GFRA1: variants seen among roughly 807,000 people sequenced by gnomAD.
The protein encoded by GFRA1 is GDNF family receptor alpha 1.
A neutral mutation model predicts 51.6 loss-of-function variants in GFRA1; 16 were observed. The observed-to-expected ratio is 0.31, with a 90% CI of 0.21 to 0.47. The LOEUF is 0.47. Ranked by LOEUF, GFRA1 falls within the 20% of genes least tolerant of loss-of-function variation. The probability of loss-of-function intolerance (pLI) is 1.00; values close to 1 mark genes in which losing one functional copy is unlikely to be tolerated. For synonymous variants in GFRA1, 270 were observed against 241.3 expected (o/e 1.12, Z -1.10); for missense variants, 530 against 594.3 (o/e 0.89, Z 1.13).
chr10:116,214,873 A>G (rs1181891993), intron 4 of GFRA1, among the ~76,000 whole-genome samples: 1 of 152,214 alleles, frequency 6.6e-6, no homozygotes, highest in Non-Finnish European at 1.5e-5. Context: ...CTTCCATTGT[A>G]TATTTCATGC....
intron 4 of GFRA1, among the ~76,000 whole-genome samples, chr10:116,253,980 C>CA (rs1175447539): frequency 6.6e-6 from 1 of 152,070 alleles, no homozygotes; most frequent in African/African-American, 2.4e-5. Flanking sequence ...TAATGCCCCT[C>CA]ACGCATACTC....
At chr10:116,252,855 G>A (rs1968500645) in intron 4 of GFRA1, among the ~76,000 whole-genome samples, 1 of 152,212 alleles carries the variant, frequency 6.6e-6, no homozygotes, top group South Asian at 2.1e-4. Flanking sequence ...GGAAACTGAG[G>A]CTTAAAGGTA....
rs1314969938 is a variant in GFRA1 at position 116,093,870 on chromosome 10, TATG to T, written c.881-37_881-35del. On this transcript the variant is annotated intron_variant, in intron 7 of 10. Transcript: ENST00000355422. ...ATAAAAACAAGGCATTTTATTGTTG[TATG>T]ATGATACTTTTCCATGGCCTAAAAA... 4 of 1,610,586 alleles carry T rather than the reference TATG, an allele frequency of 2.5e-6. No homozygotes were observed. The African/African-American group carries it at 4.0e-5, about 16-fold the overall frequency.
intron 4 of GFRA1, among the ~76,000 whole-genome samples, chr10:116,241,998 T>C (rs1967421250): frequency 1.3e-5 from 2 of 152,174 alleles, no homozygotes; most frequent in African/African-American, 4.8e-5. Context: ...AACAGCTGTG[T>C]TTACACATGC....
At chr10:116,208,787 C>T (rs1042182056) in intron 5 of GFRA1, among the ~76,000 whole-genome samples, 3 of 152,178 alleles carry the variant, frequency 2.0e-5, no homozygotes, top group African/African-American at 4.8e-5. Context: ...TCAAATGAGG[C>T]GTGCATGTGT....
intron 6 of GFRA1, among the ~76,000 whole-genome samples, chr10:116,105,124 G>T (rs1398365729): frequency 6.6e-6 from 1 of 152,220 alleles, no homozygotes; most frequent in Non-Finnish European, 1.5e-5. Context: ...AGAAATTGAA[G>T]AAGAAAAGAA....
intron 5 of GFRA1, among the ~76,000 whole-genome samples, chr10:116,191,984 G>A (rs777640803): frequency 1.3e-5 from 2 of 152,146 alleles, no homozygotes; most frequent in South Asian, 2.1e-4. Flanking sequence ...CCGAGATCGC[G>A]CCATTGCACT....
rs1956458542 is a variant in GFRA1, at chr10:116,093,802, A to G, written c.915T>C (p.Ser305=). The G allele has an allele frequency of 1.9e-6, 3 of 1,614,016 alleles. No individual in the cohort carries two copies. The highest frequency in any genetic ancestry group is 1.7e-5 in the Admixed American group (1 of 60,016). ...CACACCATGGGGCCACACTGAGGCT[A>G]CTGGAGTCTATGTAGTTGGGGGTCA... is the stretch of plus-strand genomic sequence containing the variant. The part of the protein sequence containing the change: ...TVMTPNYIDS[S]SLSVAPWCDC... Residue 305 remains serine (S), a synonymous_variant, in exon 8 of 11, where the codon AGT becomes AGC. Transcript: ENST00000355422.
chr10:116,138,261 G>T (rs1161432389), intron 5 of GFRA1, among the ~76,000 whole-genome samples: 3 of 152,076 alleles, frequency 2.0e-5, no homozygotes, highest in African/African-American at 7.2e-5. Flanking sequence ...CCAAAATTTG[G>T]TTCCTTCAGT....
chr10:116,214,627 T>G (rs531718839), intron 4 of GFRA1, among the ~76,000 whole-genome samples: 1 of 152,298 alleles, frequency 6.6e-6, no homozygotes, highest in East Asian at 1.9e-4. Flanking sequence ...GATTTATCAT[T>G]CCCCTCTAAT....
At chr10:116,080,773 T>G (rs1955815623) in intron 9 of GFRA1, among the ~76,000 whole-genome samples, 1 of 152,274 alleles carries the variant, frequency 6.6e-6, no homozygotes, top group Admixed American at 6.5e-5. Flanking sequence ...GGGTTGGGAC[T>G]TGAGCCACAG....
At chr10:116,213,353 T>A (rs1232703288) in intron 4 of GFRA1, among the ~76,000 whole-genome samples, 1 of 152,172 alleles carries the variant, frequency 6.6e-6, no homozygotes, top group Non-Finnish European at 1.5e-5. Flanking sequence ...AAGACCTTGA[T>A]TATTTTGAAT....
chr10:116,201,271 G>T (rs537925835), intron 5 of GFRA1, among the ~76,000 whole-genome samples: 4 of 152,140 alleles, frequency 2.6e-5, no homozygotes, highest in African/African-American at 9.6e-5. Context: ...AATATAAATG[G>T]GAAAACTCAA....
chr10:116,243,744 C>T (rs531900836), intron 4 of GFRA1, among the ~76,000 whole-genome samples: 21 of 152,102 alleles, frequency 1.4e-4, no homozygotes, highest in Non-Finnish European at 2.5e-4. Flanking sequence ...GTCCTGAGAA[C>T]CACTGTGACA....
chr10:116,127,742 CT>C (rs1385906352), intron 5 of GFRA1, among the ~76,000 whole-genome samples: 1 of 152,220 alleles, frequency 6.6e-6, no homozygotes, highest in Non-Finnish European at 1.5e-5. Flanking sequence ...CACTTCTAGC[CT>C]TCTCCTCTTT....
intron 4 of GFRA1, among the ~76,000 whole-genome samples, chr10:116,259,217 G>A (rs1316074735): frequency 3.9e-5 from 6 of 152,120 alleles, no homozygotes; most frequent in Non-Finnish European, 4.4e-5. Context: ...TTGGCATGGT[G>A]CTTCCTACAC....
intron 5 of GFRA1, among the ~76,000 whole-genome samples, chr10:116,125,962 C>A (rs1288680485): frequency 6.6e-6 from 1 of 152,192 alleles, no homozygotes; most frequent in Non-Finnish European, 1.5e-5. Flanking sequence ...AATTGCCATA[C>A]AATCCTCCAA....
chr10:116,228,067 C>T (rs923438193), intron 4 of GFRA1, among the ~76,000 whole-genome samples: 4 of 152,170 alleles, frequency 2.6e-5, no homozygotes, highest in Non-Finnish European at 5.9e-5. Flanking sequence ...TACCTGACTT[C>T]GCGTTTCAAA....
chr10:116,100,467 T>A (rs1956775280), intron 6 of GFRA1, among the ~76,000 whole-genome samples: 1 of 152,134 alleles, frequency 6.6e-6, no homozygotes, highest in African/African-American at 2.4e-5. Context: ...AACAGGTGCA[T>A]CGCCCAGAAC....
Sources: allele counts gnomAD v4.1 joint callset (sites outside exome capture counted in the v4.1 genomes callset), GRCh38; gene constraint gnomAD v4.1.1; transcripts MANE v1.5; gene names NCBI Gene and HGNC (gene_info 2026-07-23, HGNC 2026-07-21).